PGBD1: variants seen among roughly 807,000 people sequenced by gnomAD.
PGBD1 encodes the protein piggyBac transposable element-derived protein 1.
A neutral mutation model predicts 34.7 loss-of-function variants in PGBD1; 25 were observed. The ratio of observed to expected loss-of-function variants is 0.72; its 90% CI spans 0.52 to 1.00. The LOEUF (loss-of-function observed/expected upper bound fraction) is 1.00. PGBD1 is among the 50% of genes least tolerant of loss of function. The pLI is 0.00. For synonymous variants in PGBD1, 292 were observed against 335.7 expected (o/e 0.87, Z 1.42); for missense variants, 830 against 959.4 (o/e 0.87, Z 1.78).
intron 2 of PGBD1, 47 bp from the exon 3 acceptor site, chr6:28,285,504 G>A: frequency 3.2e-6 from 5 of 1,567,600 alleles, no homozygotes; most frequent in Non-Finnish European, 4.3e-6. Context: ...CTCTTAGCAT[G>A]CAGTCCATAT....
At chr6:28,285,423 G>A (rs1762256381) in intron 2 of PGBD1, 128 bp from the exon 3 acceptor site, 2 of 977,766 alleles carry the variant, frequency 2.0e-6, no homozygotes, top group Non-Finnish European at 2.9e-6. Context: ...TGTTTTTCTG[G>A]GCTGGGATCC....
Position 28,301,890 on chromosome 6 carries a change from A to AAT in PGBD1, c.2037_2038insTA (p.Glu680Ter). The AAT allele has an allele frequency of 1.2e-6, 2 of 1,614,192 alleles. No individual in the cohort carries two copies. Among genetic ancestry groups the AAT allele is most frequent in the Non-Finnish European group, 1.7e-6 (2 of 1,180,038 alleles). ...AGAGGGTATTTTGATTTCCGAATAG[A>AAT]AGAAAACAATGAGATAATTTTGTGT... On this transcript the variant is annotated frameshift_variant, in exon 7 of 7. Coordinates refer to ENST00000682144, the MANE Select transcript of PGBD1 (RefSeq NM_032507.4). LOFTEE classifies it low-confidence loss of function (END_TRUNC).
chr6:28,284,082 A>C lies in PGBD1; in HGVS notation c.269A>C (p.Glu90Ala). 6.2e-7 allele frequency: 1 copy of C among 1,614,180 alleles called. No homozygotes were observed. The highest frequency in any genetic ancestry group is 2.2e-5 in the East Asian group (1 of 44,872). ...KEQIMELLVL[E>A]QFLTILPKEL... ...CAGATAATGGAACTGCTGGTGCTGG[A>C]GCAGTTCCTGACCATCCTGCCCAAG... Residue 90 changes from glutamate to alanine, a missense_variant, in exon 2 of 7, where the codon GAG becomes GCG. Around this residue, in one of 3 missense-constraint regions of PGBD1, gnomAD observed 457 missense variants for 515.4 expected, o/e 0.89. Transcript: ENST00000682144.
Position 28,302,337 on chromosome 6 carries a change from A to G in PGBD1, c.*53A>G. On this transcript the variant is annotated 3_prime_UTR_variant, in exon 7 of 7. Coordinates refer to ENST00000682144, the MANE Select transcript of PGBD1 (RefSeq NM_032507.4). ...ATTAATAAGACATAGAAAAATAATA[A>G]TTATACATGCTGTTGTACCCTCCCA... 6.6e-7 allele frequency: 1 copy of G among 1,517,662 alleles called. No homozygotes were observed. The highest frequency in any genetic ancestry group is 1.3e-5 in the South Asian group (1 of 77,858). The allele number at this position is 1,517,662 out of a possible 1,614,324, so 94.0% of individuals were successfully genotyped here. A position where few individuals can be genotyped will look rare whatever the true frequency, so the allele number is the denominator to read the frequency against.
chr6:28,289,006 A>G (rs1050091977), intron 4 of PGBD1, among the ~76,000 whole-genome samples: 2 of 151,998 alleles, frequency 1.3e-5, no homozygotes, highest in African/African-American at 2.4e-5. Context: ...TTAAAATAAA[A>G]TAAATTAAAA....
In PGBD1 at chr6:28,300,951, A is replaced by T. The variant is rs1321451909; in HGVS notation, c.1097A>T (p.Glu366Val). 2 of 1,614,008 alleles carry T rather than the reference A, an allele frequency of 1.2e-6. No individual in the cohort carries two copies. Among genetic ancestry groups the T allele is most frequent in the African/African-American group, 2.7e-5 (2 of 74,896 alleles). The change falls in exon 7 of 7, where the codon GAA (glutamate) becomes GTA (valine). Residue 366 changes from glutamate to valine, a missense_variant. Glu to Val is a moderately radical substitution (Grantham distance 121, BLOSUM62 -2). Coordinates refer to ENST00000682144, the MANE Select transcript of PGBD1 (RefSeq NM_032507.4). This position sits in a 1 kb window ranked among gnomAD's most constrained non-coding sequence, Gnocchi z 4.0. Reference protein sequence around the residue: ...GLSFSGDSDVEKDNEPEIQPA... With the variant: ...GLSFSGDSDVVKDNEPEIQPA... The stretch of plus-strand genomic sequence containing the variant: ...TCATTCTCTGGTGACTCAGATGTGG[A>T]AAAAGATAATGAGCCTGAGATCCAG...
At chr6:28,292,266 A>G (rs909366946) in intron 4 of PGBD1, among the ~76,000 whole-genome samples, 1 of 152,210 alleles carries the variant, frequency 6.6e-6, no homozygotes. Flanking sequence ...AAAAATTAGT[A>G]GCATTTATAT....
intron 4 of PGBD1, among the ~76,000 whole-genome samples, chr6:28,289,170 C>A (rs1150718): frequency 0.51 from 76,732 of 151,712 alleles, 23,782 homozygotes; most frequent in African/African-American, 0.87. Flanking sequence ...CTCAACTGTC[C>A]AGGAAAAAGA....
In PGBD1 at chr6:28,296,951, G is replaced by T. The variant is rs567248864; in HGVS notation, c.772+6G>T. 8 of 1,613,852 alleles carry T rather than the reference G, an allele frequency of 5.0e-6. No homozygotes were observed. In the East Asian group the frequency reaches 6.7e-5, roughly 13 times the overall value. On this transcript the variant is annotated splice_donor_region_variant and intron_variant, in intron 5 of 6. Coordinates refer to ENST00000682144, the MANE Select transcript of PGBD1 (RefSeq NM_032507.4). ...TATGAGCCTCAGTCCGATGAGTAAGGCCAGGCCTCTGGCTGGACCCCTGTC... is the reference window on the plus strand; with the variant it reads ...TATGAGCCTCAGTCCGATGAGTAAGTCCAGGCCTCTGGCTGGACCCCTGTC...
chr6:28,297,850 A>G (rs1197090712), intron 5 of PGBD1, 45 bp from the exon 6 acceptor site: 1 of 391,844 alleles, frequency 2.6e-6, no homozygotes, highest in African/African-American at 2.5e-5. Context: ...TTTTTTCAAA[A>G]TTCACATAAC....
chr6:28,287,223 T>G, intron 4 of PGBD1, 55 bp downstream of exon 4: 1 of 1,432,002 alleles, frequency 7.0e-7, no homozygotes. Flanking sequence ...TCTCCCTCAT[T>G]CCATGTTCCT....
intron 6 of PGBD1, among the ~76,000 whole-genome samples, 167 bp downstream of exon 6, chr6:28,298,158 A>G (rs1762716631): frequency 6.6e-6 from 1 of 152,152 alleles, no homozygotes; most frequent in African/African-American, 2.4e-5. Context: ...GACCTATTCA[A>G]AATTTTCAAT....
At chr6:28,287,754 T>A (rs73385807) in intron 4 of PGBD1, among the ~76,000 whole-genome samples, 5,682 of 152,226 alleles carry the variant, frequency 0.037, 264 homozygotes, top group African/African-American at 0.11. Context: ...ATCAGTTTCC[T>A]CAAGACACTT....
In PGBD1 at chr6:28,300,262, G is replaced by A. The variant is rs1362458562; in HGVS notation, c.870-462G>A. ...TTCAGAACCAATTGACAGGGATGCAGGAGTAAAATAGATGGTTCTGGAAAC... is the reference window on the plus strand; with the variant it reads ...TTCAGAACCAATTGACAGGGATGCAAGAGTAAAATAGATGGTTCTGGAAAC... On this transcript the variant is annotated intron_variant, in intron 6 of 6. Coordinates refer to ENST00000682144, the MANE Select transcript of PGBD1 (RefSeq NM_032507.4). This position sits in a 1 kb window ranked among gnomAD's most constrained non-coding sequence, Gnocchi z 4.0. 3.9e-5 allele frequency among the ~76,000 whole-genome samples: 6 copies of A among 152,180 alleles called. No individual in the cohort carries two copies. The highest frequency in any genetic ancestry group is 7.3e-5 in the Non-Finnish European group (5 of 68,030).
chr6:28,296,595 A>G (rs1762640496), intron 4 of PGBD1, among the ~76,000 whole-genome samples: 1 of 152,230 alleles, frequency 6.6e-6, no homozygotes, highest in African/African-American at 2.4e-5. Context: ...ACTGTCCCAC[A>G]TATTTCAAGA....
Position 28,301,239 on chromosome 6 carries a change from G to T in PGBD1, c.1385G>T (p.Gly462Val). The change falls in exon 7 of 7, where the codon GGT becomes GTT. Residue 462 changes from glycine (G) to valine (V), a missense_variant. Gly to Val is a moderately radical substitution (Grantham distance 109). Coordinates refer to ENST00000682144, the MANE Select transcript of PGBD1 (RefSeq NM_032507.4). ...VTVQEMRCVF[G>V]VLLLSGFMRH... ...GTTCAGGAAATGAGGTGTGTGTTTGGTGTCTTACTTTTGAGTGGATTTATG... is the reference window on the plus strand; with the variant it reads ...GTTCAGGAAATGAGGTGTGTGTTTGTTGTCTTACTTTTGAGTGGATTTATG... The T allele has an allele frequency of 6.2e-7, 1 of 1,614,100 alleles. No homozygotes were observed.
rs1271369868 is a variant in PGBD1, at chr6:28,302,071, A to T, written c.2217A>T (p.Val739=). The change falls in exon 7 of 7, where the codon GTA becomes GTT. Residue 739 remains valine (V), a synonymous_variant. Transcript: ENST00000682144. ...TGTATGATGAATGCAAGGAAGGTGT[A>T]GCTAAAATGGATCAAATTATTTCGA... The part of the protein sequence containing the change: ...VKVYDECKEG[V]AKMDQIISKY... 1 of 1,614,164 alleles carries T rather than the reference A, an allele frequency of 6.2e-7. No homozygotes were observed. The highest frequency in any genetic ancestry group is 1.3e-5 in the African/African-American group (1 of 75,048).
At chr6:28,291,041 A>G (rs574061355) in intron 4 of PGBD1, among the ~76,000 whole-genome samples, 1 of 151,820 alleles carries the variant, frequency 6.6e-6, no homozygotes, top group Non-Finnish European at 1.5e-5. Flanking sequence ...ACCTCAAGGA[A>G]CTAGAAAAGC....
chr6:28,300,698 T>G lies in PGBD1; in HGVS notation c.870-26T>G, dbSNP rs933343311. 1.0e-5 allele frequency: 16 copies of G among 1,574,724 alleles called. No individual in the cohort carries two copies. The African/African-American group carries it at 2.0e-4, about 19-fold the overall frequency. ...GAGAGAATATGATTGAGGATTTTTA[T>G]AACATGTTCTTTTTTTCTTTCCCAG... On this transcript the variant is annotated intron_variant, in intron 6 of 6. Coordinates refer to ENST00000682144, the MANE Select transcript of PGBD1 (RefSeq NM_032507.4). This position sits in a 1 kb window ranked among gnomAD's most constrained non-coding sequence, Gnocchi z 4.0.
Sources: allele counts gnomAD v4.1 joint callset (sites outside exome capture counted in the v4.1 genomes callset), GRCh38; gene constraint gnomAD v4.1.1; regional missense constraint gnomAD v4.1.1; non-coding constraint Gnocchi (gnomAD v3.1); transcripts MANE v1.5; gene names NCBI Gene and HGNC (gene_info 2026-07-23, HGNC 2026-07-21).